The following CCSER2 variants were observed in gnomAD, a reference collection of about 807,000 sequenced individuals.
CCSER2 encodes serine-rich coiled-coil domain-containing protein 2.
Under a neutral mutation model 92.3 loss-of-function variants are expected in CCSER2, and 46 were observed. That is an observed-to-expected ratio of 0.50 (90% CI 0.39 to 0.64). The LOEUF (loss-of-function observed/expected upper bound fraction) is 0.64. Among genes scored for constraint, CCSER2 ranks in the 30% least tolerant of loss-of-function variants. CCSER2 has a pLI of 0.00. For missense variants in CCSER2, 1,244 were observed against 1,238.9 expected (o/e 1.00, Z -0.06); for synonymous variants, 433 against 431.4 (o/e 1.00, Z -0.04).
intron 3 of CCSER2, among the ~76,000 whole-genome samples, chr10:84,378,886 A>G (rs751712809): frequency 2.6e-5 from 4 of 151,974 alleles, no homozygotes; most frequent in Non-Finnish European, 4.4e-5. Flanking sequence ...CTAATAGTCT[A>G]TGTTTTTGCA....
At chr10:84,504,453 G>A (rs1297463359) in intron 9 of CCSER2, among the ~76,000 whole-genome samples, 1 of 152,132 alleles carries the variant, frequency 6.6e-6, no homozygotes, top group African/African-American at 2.4e-5. Flanking sequence ...TAACCAAAAC[G>A]TTGATCTTAC....
chr10:84,401,140 G>A (rs1434071018), intron 3 of CCSER2, among the ~76,000 whole-genome samples: 1 of 152,224 alleles, frequency 6.6e-6, no homozygotes, highest in East Asian at 1.9e-4. Context: ...ATCAAAGCTT[G>A]TACCTTAAGA....
intron 1 of CCSER2, among the ~76,000 whole-genome samples, chr10:84,369,704 C>G (rs1449885776): frequency 6.6e-6 from 1 of 151,942 alleles, no homozygotes; most frequent in African/African-American, 2.4e-5. Flanking sequence ...CTTTTTGTGT[C>G]TTAGTCGTAA....
chr10:84,430,305 A>G (rs1343286248), intron 5 of CCSER2, among the ~76,000 whole-genome samples: 2 of 152,152 alleles, frequency 1.3e-5, no homozygotes, highest in Non-Finnish European at 2.9e-5. Context: ...TACACAGCCT[A>G]TACATGTATA....
Position 84,514,546 on chromosome 10 carries a change from C to G in CCSER2, c.*279C>G, listed in dbSNP as rs11915. The G allele has an allele frequency of 0.41, 164,662 of 402,370 alleles. 36,883 individuals are homozygous for G. Among genetic ancestry groups the G allele is most frequent in the Middle Eastern group, 0.48 (681 of 1,430 alleles). 24.9% of individuals were successfully genotyped at this position (402,370 alleles called of 1,614,324 possible). Reference sequence around the variant, plus strand: ...AAATCATGTTATCCATCCCTCTCCACGTCAGAAAATTCATAATATTTTACT... The same window carrying G: ...AAATCATGTTATCCATCCCTCTCCAGGTCAGAAAATTCATAATATTTTACT... On this transcript the variant is annotated 3_prime_UTR_variant, in exon 10 of 10. Transcript: ENST00000372088.
chr10:84,331,463 C>CA (rs1279876697), intron 1 of CCSER2, among the ~76,000 whole-genome samples: 5 of 152,234 alleles, frequency 3.3e-5, no homozygotes, highest in Non-Finnish European at 5.9e-5. Flanking sequence ...TGCCCCATAA[C>CA]AAGTGGCTTC....
chr10:84,389,593 G>T, intron 3 of CCSER2: 1 of 196,704 alleles, frequency 5.1e-6, no homozygotes, highest in South Asian at 7.7e-5. Context: ...ACACAACTTT[G>T]ATCTCAAAGC....
At chr10:84,352,169 T>G (rs1300910576) in intron 1 of CCSER2, among the ~76,000 whole-genome samples, 1 of 151,930 alleles carries the variant, frequency 6.6e-6, no homozygotes, top group East Asian at 1.9e-4. Flanking sequence ...CTGGGTGTGG[T>G]GGCACACGCC....
chr10:84,411,398 G>A (rs1207368460), intron 3 of CCSER2, among the ~76,000 whole-genome samples: 2 of 152,138 alleles, frequency 1.3e-5, no homozygotes, highest in Admixed American at 1.3e-4. Flanking sequence ...CGGCAGTATG[G>A]CCATTTTCAT....
At chr10:84,483,775 A>G (rs1228520092) in intron 9 of CCSER2, among the ~76,000 whole-genome samples, 1 of 148,330 alleles carries the variant, frequency 6.7e-6, no homozygotes, top group Admixed American at 6.8e-5. Context: ...GAAAAATGTC[A>G]ATTTTTTTTC....
intron 9 of CCSER2, among the ~76,000 whole-genome samples, chr10:84,483,110 C>T (rs945622098): frequency 2.1e-4 from 7 of 34,006 alleles, no homozygotes; most frequent in Admixed American, 4.8e-4. Context: ...TGTCAACCAC[C>T]CTTTTTGTGC....
intron 6 of CCSER2, among the ~76,000 whole-genome samples, chr10:84,456,211 C>A (rs974490765): frequency 6.6e-6 from 1 of 152,190 alleles, no homozygotes; most frequent in African/African-American, 2.4e-5. Context: ...GCAGCTATTA[C>A]AATCCCCTCC....
intron 5 of CCSER2, among the ~76,000 whole-genome samples, chr10:84,433,070 C>T (rs977365223): frequency 3.3e-5 from 5 of 152,072 alleles, no homozygotes; most frequent in African/African-American, 7.2e-5. Flanking sequence ...GTTGATATGT[C>T]GGTTCTTTTG....
chr10:84,456,030 T>A, intron 6 of CCSER2: 1 of 491,734 alleles, frequency 2.0e-6, no homozygotes, highest in South Asian at 1.8e-5. Context: ...TTCTTCTAGA[T>A]GTTTCTGTAG....
chr10:84,399,555 G>T (rs550229207), intron 3 of CCSER2, among the ~76,000 whole-genome samples: 137 of 152,098 alleles, frequency 9.0e-4, no homozygotes, highest in Non-Finnish European at 1.5e-3. Context: ...TATGTTTTGG[G>T]TACCTACCAG....
intron 9 of CCSER2, among the ~76,000 whole-genome samples, chr10:84,483,842 G>A (rs1847603880): frequency 7.1e-6 from 1 of 140,944 alleles, no homozygotes; most frequent in Non-Finnish European, 1.5e-5. Flanking sequence ...GCTCAAGTCA[G>A]TGGCATGATC....
chr10:84,407,453 A>G (rs1054805121), intron 3 of CCSER2, among the ~76,000 whole-genome samples: 2 of 152,120 alleles, frequency 1.3e-5, no homozygotes, highest in Middle Eastern at 3.2e-3. Flanking sequence ...TTGTTTCTCA[A>G]GCCAGGAGCT....
chr10:84,336,837 T>G, intron 1 of CCSER2, among the ~76,000 whole-genome samples: 1 of 145,272 alleles, frequency 6.9e-6, no homozygotes, highest in Non-Finnish European at 1.5e-5. Flanking sequence ...GCAGTAATCC[T>G]AAGTGGGAGA....
intron 3 of CCSER2, among the ~76,000 whole-genome samples, chr10:84,377,639 A>G (rs1463107854): frequency 6.6e-6 from 1 of 152,180 alleles, no homozygotes; most frequent in African/African-American, 2.4e-5. Context: ...CCAATTAAAT[A>G]TTAGAATGAG....
Sources: allele counts gnomAD v4.1 joint callset (sites outside exome capture counted in the v4.1 genomes callset), GRCh38; gene constraint gnomAD v4.1.1; transcripts MANE v1.5; gene names NCBI Gene and HGNC (gene_info 2026-07-23, HGNC 2026-07-21).